Variants in ATG5 observed in about 807,000 individuals in gnomAD.
ATG5 encodes autophagy related 5.
ATG5 carries 14 observed loss-of-function variants against 36.5 expected under a neutral mutation model. That is an observed-to-expected ratio of 0.38 (90% CI 0.25 to 0.60). ATG5 has a LOEUF of 0.60. ATG5 is among the 20% of genes least tolerant of loss of function. The probability of loss-of-function intolerance (pLI) is 0.60; values close to 1 mark genes in which losing one functional copy is unlikely to be tolerated. For synonymous variants in ATG5, 95 were observed against 101.5 expected (o/e 0.94, Z 0.38); for missense variants, 195 against 326.7 (o/e 0.60, Z 3.11).
At chr6:106,208,325 C>T (rs1408973075) in intron 6 of ATG5, among the ~76,000 whole-genome samples, 6 of 151,992 alleles carry the variant, frequency 3.9e-5, no homozygotes, top group African/African-American at 1.5e-4. Context: ...TAATAAAATG[C>T]ACAACACAAT....
chr6:106,248,342 T>G, intron 5 of ATG5, 98 bp from the exon 6 acceptor site: 4 of 727,198 alleles, frequency 5.5e-6, no homozygotes, highest in Admixed American at 2.5e-5. Context: ...CTCTAGAAGT[T>G]TCTGAAAGGA....
chr6:106,318,952 C>T (rs1416395442), intron 1 of ATG5, among the ~76,000 whole-genome samples: 2 of 151,954 alleles, frequency 1.3e-5, no homozygotes, highest in African/African-American at 4.8e-5. Context: ...TTTAAAGAGG[C>T]AATAAAACAA....
intron 5 of ATG5, among the ~76,000 whole-genome samples, chr6:106,268,837 G>A (rs959229905): frequency 6.6e-6 from 1 of 151,842 alleles, no homozygotes; most frequent in Non-Finnish European, 1.5e-5. Flanking sequence ...AAGAACACAT[G>A]GGACACAGGG....
chr6:106,224,529 T>C (rs1777371635), intron 6 of ATG5, among the ~76,000 whole-genome samples: 1 of 152,132 alleles, frequency 6.6e-6, no homozygotes, highest in African/African-American at 2.4e-5. Context: ...TGGTAGTGAA[T>C]GGAAGTAGAT....
At chr6:106,202,613 C>A (rs1203778007) in intron 6 of ATG5, among the ~76,000 whole-genome samples, 2 of 152,086 alleles carry the variant, frequency 1.3e-5, no homozygotes, top group African/African-American at 2.4e-5. Flanking sequence ...TTAAGAAATT[C>A]ATTGTTCAAG....
intron 7 of ATG5, among the ~76,000 whole-genome samples, chr6:106,196,693 A>G (rs1348582874): frequency 2.6e-5 from 4 of 151,542 alleles, no homozygotes; most frequent in Non-Finnish European, 5.9e-5. Flanking sequence ...ACTGCACTCC[A>G]GCCTGAGCAA....
At chr6:106,315,571 A>G (rs916911942) in intron 2 of ATG5, among the ~76,000 whole-genome samples, 8 of 152,080 alleles carry the variant, frequency 5.3e-5, no homozygotes, top group African/African-American at 1.9e-4. Context: ...ATTACATATT[A>G]GCTCACATAT....
At chr6:106,303,096 A>G (rs1013174922) in intron 3 of ATG5, among the ~76,000 whole-genome samples, 1 of 152,020 alleles carries the variant, frequency 6.6e-6, no homozygotes, top group South Asian at 2.1e-4. Flanking sequence ...CAGAAGGAAT[A>G]AGATTATTAA....
chr6:106,235,174 A>C (rs1224740095), intron 6 of ATG5, among the ~76,000 whole-genome samples: 1 of 152,098 alleles, frequency 6.6e-6, no homozygotes, highest in Non-Finnish European at 1.5e-5. Context: ...CAGCTCTAAT[A>C]TTGATACTCC....
At chr6:106,294,092 T>C (rs1029867178) in intron 3 of ATG5, among the ~76,000 whole-genome samples, 3 of 152,152 alleles carry the variant, frequency 2.0e-5, no homozygotes, top group African/African-American at 7.2e-5. Flanking sequence ...GTGCTCAAAA[T>C]GTTTTGGATT....
chr6:106,228,983 T>C (rs912769530), intron 6 of ATG5, among the ~76,000 whole-genome samples: 3 of 152,250 alleles, frequency 2.0e-5, no homozygotes, highest in South Asian at 2.1e-4. Flanking sequence ...GTTGAGATCA[T>C]GTCGCAGCCA....
At position 106,258,198 on chromosome 6, in the gene ATG5, G is replaced by A. The variant is rs566090974; in HGVS notation, c.479-9954C>T. On this transcript the variant is annotated intron_variant, in intron 5 of 7. Coordinates refer to ENST00000369076, the MANE Select transcript of ATG5 (RefSeq NM_004849.4). ...AAGTAATACAACATAGGTAGATCCC[G>A]TCTCTAACAAAAAAAAAAAATTAGC... 2.7e-4 allele frequency among the ~76,000 whole-genome samples: 30 copies of A among 113,184 alleles called. No homozygotes were observed. The East Asian group carries it at 8.4e-3, about 32-fold the overall frequency. 74.3% of individuals were successfully genotyped at this position (113,184 alleles called of 152,430 possible). A position where few individuals can be genotyped will look rare whatever the true frequency, so the allele number is the denominator to read the frequency against.
intron 4 of ATG5, among the ~76,000 whole-genome samples, chr6:106,285,853 T>C (rs1002276730): frequency 3.3e-5 from 5 of 152,222 alleles, no homozygotes; most frequent in Non-Finnish European, 5.9e-5. Context: ...ACTACTCTTA[T>C]ATCACAGGCC....
intron 7 of ATG5, among the ~76,000 whole-genome samples, chr6:106,187,898 A>G (rs1308491221): frequency 6.6e-6 from 1 of 151,970 alleles, no homozygotes; most frequent in East Asian, 1.9e-4. Context: ...GTGAAAAATA[A>G]AAACTTTAAC....
chr6:106,192,416 A>G (rs991632404), intron 7 of ATG5, among the ~76,000 whole-genome samples: 19 of 152,148 alleles, frequency 1.2e-4, no homozygotes, highest in Non-Finnish European at 2.2e-4. Flanking sequence ...AACTAAGCCA[A>G]TTTCAACAAG....
At chr6:106,262,315 C>T (rs55682462) in intron 5 of ATG5, among the ~76,000 whole-genome samples, 11,396 of 152,132 alleles carry the variant, frequency 0.075, 729 homozygotes, top group Admixed American at 0.22. Context: ...CCACTCACCT[C>T]GGCCTCCCAA....
At chr6:106,201,275 A>ATG (rs138478446) in intron 7 of ATG5, among the ~76,000 whole-genome samples, 15,709 of 149,228 alleles carry the variant, frequency 0.11, 1,013 homozygotes, top group Non-Finnish European at 0.15. Flanking sequence ...TCAAGTGTAT[A>ATG]TGTGTGTGTG....
intron 6 of ATG5, 95 bp from the exon 7 acceptor site, chr6:106,202,184 G>T: frequency 3.4e-6 from 3 of 870,348 alleles, no homozygotes; most frequent in Non-Finnish European, 5.6e-6. Context: ...GGCATTAGGT[G>T]CCTTTTGATA....
intron 6 of ATG5, among the ~76,000 whole-genome samples, chr6:106,247,161 C>T (rs1218562018): frequency 6.6e-6 from 1 of 152,032 alleles, no homozygotes; most frequent in Non-Finnish European, 1.5e-5. Context: ...CTGTGGGATA[C>T]TAAAAATGGC....
Sources: gnomAD v4.1 joint callset for allele counts (sites outside exome capture counted in the v4.1 genomes callset) on GRCh38, gnomAD v4.1.1 for gene constraint, MANE v1.5 for transcripts, NCBI Gene and HGNC (gene_info 2026-07-23, HGNC 2026-07-21) for gene names.